The following PDE1C variants were observed in gnomAD, a reference collection of about 807,000 sequenced individuals.
The protein encoded by PDE1C is dual specificity calcium/calmodulin-dependent 3',5'-cyclic nucleotide phosphodiesterase 1C.
In PDE1C, 62 loss-of-function variants were observed where a neutral mutation model predicts 93.1. The ratio of observed to expected loss-of-function variants is 0.67; its 90% CI spans 0.54 to 0.82. The LOEUF (loss-of-function observed/expected upper bound fraction) is 0.82, where lower values mean the gene tolerates loss of function less well. Among genes scored for constraint, PDE1C ranks in the 40% least tolerant of loss-of-function variants. The pLI, the probability that PDE1C is intolerant of heterozygous loss-of-function variation, is 0.00. For missense variants in PDE1C, 742 were observed against 884.6 expected (o/e 0.84, Z 2.04); for synonymous variants, 325 against 310.1 (o/e 1.05, Z -0.50).
At chr7:31,921,212 T>C (rs1157110124) in intron 2 of PDE1C, among the ~76,000 whole-genome samples, 1 of 152,188 alleles carries the variant, frequency 6.6e-6, no homozygotes, top group Middle Eastern at 3.2e-3. Flanking sequence ...TGACTTAGTT[T>C]CCTCCAAGCA....
At chr7:31,803,843 T>C (rs1224779220) in intron 16 of PDE1C, among the ~76,000 whole-genome samples, 1 of 152,022 alleles carries the variant, frequency 6.6e-6, no homozygotes. Flanking sequence ...TTGTGAATAG[T>C]GCTGCTATAA....
At chr7:32,211,585 A>T (rs1269372881) in intron 1 of PDE1C, among the ~76,000 whole-genome samples, 1 of 146,452 alleles carries the variant, frequency 6.8e-6, no homozygotes, top group African/African-American at 2.7e-5. Context: ...TATAATAAAA[A>T]AAAAGGGGGG....
chr7:31,643,067 TG>T, the PDE1C span: 1 of 1,614,042 alleles, frequency 6.2e-7, no homozygotes, highest in East Asian at 2.2e-5. Context: ...GATCATCCTC[TG>T]GGGTTTATGG....
Position 32,070,292 on chromosome 7 carries a change from C to G in PDE1C, c.101+1G>C. On this transcript the variant is annotated splice_donor_variant, in intron 1 of 17. Transcript: ENST00000396191. LOFTEE classifies it high-confidence loss of function. The stretch of plus-strand genomic sequence containing the variant: ...CAGGAGAAGTAAATAGGTATACTTA[C>G]AGCCCGCGGAGCCGAAGCCAGATTT... 3.7e-6 allele frequency: 6 copies of G among 1,614,146 alleles called. No individual in the cohort carries two copies. Among genetic ancestry groups the G allele is most frequent in the Non-Finnish European group, 4.2e-6 (5 of 1,180,016 alleles).
intron 1 of PDE1C, among the ~76,000 whole-genome samples, chr7:32,384,178 G>T (rs142033752): frequency 6.6e-6 from 1 of 152,064 alleles, no homozygotes; most frequent in Non-Finnish European, 1.5e-5. Context: ...GTGTCATTTT[G>T]TGGCAAGATA....
At chr7:31,664,723 G>C in the PDE1C span, among the ~76,000 whole-genome samples, 1 of 152,208 alleles carries the variant, frequency 6.6e-6, no homozygotes, top group Admixed American at 6.5e-5. Flanking sequence ...CCTTCAAAGA[G>C]ATTAATTGAG....
chr7:32,316,895 C>A (rs1783185961), intron 1 of PDE1C, among the ~76,000 whole-genome samples: 1 of 152,196 alleles, frequency 6.6e-6, no homozygotes, highest in Non-Finnish European at 1.5e-5. Flanking sequence ...GCCTCTCAAG[C>A]CAACAAAGAG....
chr7:31,873,255 T>C (rs1362649239), intron 6 of PDE1C, 37 bp downstream of exon 6: 2 of 1,198,486 alleles, frequency 1.7e-6, no homozygotes, highest in South Asian at 1.3e-5. Flanking sequence ...CATATGCATG[T>C]AGTTTATTTA....
intron 2 of PDE1C, among the ~76,000 whole-genome samples, chr7:32,044,257 A>T (rs750207345): frequency 1.3e-5 from 2 of 152,170 alleles, no homozygotes; most frequent in Non-Finnish European, 2.9e-5. Context: ...AAATGAGAAC[A>T]TTTAGAGTAC....
At chr7:32,111,945 T>A (rs1798664661) in intron 3 of PDE1C, among the ~76,000 whole-genome samples, 2 of 152,214 alleles carry the variant, frequency 1.3e-5, no homozygotes, top group Admixed American at 1.3e-4. Context: ...CATTTTGGTA[T>A]CTTCACACAA....
At chr7:32,157,374 G>A (rs1032804046) in intron 3 of PDE1C, among the ~76,000 whole-genome samples, 1 of 152,130 alleles carries the variant, frequency 6.6e-6, no homozygotes, top group Non-Finnish European at 1.5e-5. Flanking sequence ...TTGAGGTGAT[G>A]GACATCCCCG....
chr7:31,898,728 A>C (rs548266539), intron 2 of PDE1C, among the ~76,000 whole-genome samples: 1 of 152,168 alleles, frequency 6.6e-6, no homozygotes, highest in East Asian at 1.9e-4. Context: ...ACTTATAGCA[A>C]CCTCCTCTTT....
the PDE1C span, chr7:31,642,266 G>T: frequency 2.6e-6 from 4 of 1,543,312 alleles, no homozygotes; most frequent in South Asian, 2.4e-5. Context: ...CAGGTAGGAG[G>T]GTTTGGAACA....
intron 1 of PDE1C, among the ~76,000 whole-genome samples, chr7:32,312,821 T>C (rs1783079867): frequency 6.6e-6 from 1 of 152,190 alleles, no homozygotes; most frequent in African/African-American, 2.4e-5. Context: ...ACCTAGGCAA[T>C]ACCATTCAGG....
rs776358613 is a variant in PDE1C, at chr7:32,418,237, T to C, written c.310+9585A>G. ...GCAGTAGCAAGTTGGCCAATTATTT[T>C]TTTATCAGCCTCAAGCTGCTACTGA... On this transcript the variant is annotated intron_variant, in intron 1 of 1. Transcript: ENST00000672256. Among the ~76,000 whole-genome samples, 16 of 152,268 alleles carry C rather than the reference T, an allele frequency of 1.1e-4. No individual in the cohort carries two copies. In the South Asian group the frequency reaches 1.7e-3, roughly 16 times the overall value.
At chr7:31,893,561 A>C (rs1798907369) in intron 2 of PDE1C, 1 of 885,524 alleles carries the variant, frequency 1.1e-6, no homozygotes, top group African/African-American at 1.8e-5. Context: ...TAGTTCTATT[A>C]AAATAGCTCT....
chr7:31,725,643 T>C, the PDE1C span, among the ~76,000 whole-genome samples: 1 of 152,316 alleles, frequency 6.6e-6, no homozygotes, highest in South Asian at 2.1e-4. Flanking sequence ...TGGATTGTTA[T>C]CAGTGCCAGG....
chr7:32,094,270 C>G (rs574531899), intron 3 of PDE1C, among the ~76,000 whole-genome samples: 1 of 152,156 alleles, frequency 6.6e-6, no homozygotes, highest in Non-Finnish European at 1.5e-5. Flanking sequence ...GCTGTCCTCT[C>G]CAGAGCTGCC....
At chr7:32,410,911 C>A (rs1785157565) in intron 1 of PDE1C, among the ~76,000 whole-genome samples, 1 of 152,184 alleles carries the variant, frequency 6.6e-6, no homozygotes, top group Admixed American at 6.5e-5. Flanking sequence ...GTTCCCTTAA[C>A]CCTGACTACA....
Sources: allele counts gnomAD v4.1 joint callset (sites outside exome capture counted in the v4.1 genomes callset), GRCh38; gene constraint gnomAD v4.1.1; transcripts MANE v1.5; gene names NCBI Gene and HGNC (gene_info 2026-07-23, HGNC 2026-07-21).